Variants in KIAA0232 observed in about 807,000 individuals in gnomAD.
The protein encoded by KIAA0232 is uncharacterized protein KIAA0232.
KIAA0232 carries 27 observed loss-of-function variants against 122.0 expected under a neutral mutation model. That is an observed-to-expected ratio of 0.22 (90% CI 0.16 to 0.31). The LOEUF (loss-of-function observed/expected upper bound fraction) is 0.31. Among genes scored for constraint, KIAA0232 ranks in the 10% least tolerant of loss-of-function variants. The pLI, the probability that KIAA0232 is intolerant of heterozygous loss-of-function variation, is 1.00. For synonymous variants in KIAA0232, 613 were observed against 587.6 expected, an observed-to-expected ratio of 1.04 and a Z score of -0.63; for missense variants, 1,551 against 1,634.2, an observed-to-expected ratio of 0.95 and a Z score of 0.88.
intron 3 of KIAA0232, among the ~76,000 whole-genome samples, chr4:6,828,449 G>A (rs1375417287): frequency 6.6e-6 from 1 of 152,128 alleles, no homozygotes; most frequent in Admixed American, 6.6e-5. Context: ...AGTACAGGGA[G>A]CTCTCATGTT....
At chr4:6,835,095 G>C (rs191741215) in intron 3 of KIAA0232, among the ~76,000 whole-genome samples, 10 of 152,296 alleles carry the variant, frequency 6.6e-5, no homozygotes, top group Admixed American at 2.0e-4. Flanking sequence ...TAGCTTTACT[G>C]ACATGTCTGT....
chr4:6,784,733 A>G (rs1167787298), intron 1 of KIAA0232, among the ~76,000 whole-genome samples: 1 of 152,224 alleles, frequency 6.6e-6, no homozygotes, highest in Non-Finnish European at 1.5e-5. Flanking sequence ...CCGTTACATC[A>G]GTGAAATGCC....
At chr4:6,796,109 A>T (rs1717123406) in intron 1 of KIAA0232, among the ~76,000 whole-genome samples, 1 of 152,158 alleles carries the variant, frequency 6.6e-6, no homozygotes, top group Admixed American at 6.5e-5. Flanking sequence ...ATTTGATTAG[A>T]ACTTGAGTAA....
At chr4:6,837,379 C>T (rs1719368085) in intron 3 of KIAA0232, among the ~76,000 whole-genome samples, 1 of 151,596 alleles carries the variant, frequency 6.6e-6, no homozygotes, top group African/African-American at 2.4e-5. Flanking sequence ...AGAGGCTCCT[C>T]ACTTCCTAGA....
chr4:6,799,092 G>A lies in KIAA0232; in HGVS notation c.-353-5431G>A, dbSNP rs531650877. On this transcript the variant is annotated intron_variant, in intron 1 of 9. Coordinates refer to ENST00000307659, the MANE Select transcript of KIAA0232 (RefSeq NM_014743.3). ...TCTGGAGATTCTGAGAGAGAGCTTG[G>A]TCCATGCCCTACTCTTAGCGTCTGG... Among the ~76,000 whole-genome samples, 74 of 152,074 alleles carry A rather than the reference G, an allele frequency of 4.9e-4. 1 individual carries two copies. In the Middle Eastern group the frequency reaches 0.01, roughly 21 times the overall value.
At chr4:6,823,681 C>G (rs1718525206) in intron 2 of KIAA0232, among the ~76,000 whole-genome samples, 1 of 150,040 alleles carries the variant, frequency 6.7e-6, no homozygotes. Context: ...TGTTTTTCAG[C>G]ATTACAGAAA....
Position 6,881,010 on chromosome 4 carries a change from T to C in KIAA0232, c.*44T>C. The C allele has an allele frequency of 7.4e-7, 1 of 1,352,164 alleles. No homozygotes were observed. Among genetic ancestry groups the C allele is most frequent in the Non-Finnish European group, 9.7e-7 (1 of 1,034,096 alleles). 83.8% of individuals were successfully genotyped at this position (1,352,164 alleles called of 1,614,324 possible). A position where few individuals can be genotyped will look rare whatever the true frequency, so the allele number is the denominator to read the frequency against. ...ATTATTGTTTAAAAATGATATGTGATGGAAAATTACTCTTCAGTGAGACCT... is the reference window on the plus strand; with the variant it reads ...ATTATTGTTTAAAAATGATATGTGACGGAAAATTACTCTTCAGTGAGACCT... On this transcript the variant is annotated 3_prime_UTR_variant, in exon 10 of 10. Coordinates refer to ENST00000307659, the MANE Select transcript of KIAA0232 (RefSeq NM_014743.3).
In KIAA0232 at chr4:6,860,887, ACT is replaced by A. The variant is rs749980526; in HGVS notation, c.519-11_519-10del. ...TGCATACTCGTGTTTTGAAGTCTTT[ACT>A]CTGTTTTTCAGGTACTATGAAGCAT... On this transcript the variant is annotated splice_polypyrimidine_tract_variant and intron_variant, in intron 6 of 9. Coordinates refer to ENST00000307659, the MANE Select transcript of KIAA0232 (RefSeq NM_014743.3). 1.2e-6 allele frequency: 2 copies of A among 1,604,462 alleles called. No homozygotes were observed. The highest frequency in any genetic ancestry group is 2.2e-5 in the East Asian group (1 of 44,774).
rs541406038 is a variant in KIAA0232 at position 6,818,867 on chromosome 4, AC to A, written c.-269-5317del. ...GTAACCAAAACAGCATGGTACTGGTACAAAAACAGATATGTAGACCAATGGA... is the reference window on the plus strand; with the variant it reads ...GTAACCAAAACAGCATGGTACTGGTAAAAAACAGATATGTAGACCAATGGA... On this transcript the variant is annotated intron_variant, in intron 2 of 9. Coordinates refer to ENST00000307659, the MANE Select transcript of KIAA0232 (RefSeq NM_014743.3). Among the ~76,000 whole-genome samples, 51 of 152,336 alleles carry A rather than the reference AC, an allele frequency of 3.3e-4. 2 individuals carry two copies. The South Asian group carries it at 1.0e-2, about 30-fold the overall frequency.
At chr4:6,810,483 A>T (rs1717827713) in intron 2 of KIAA0232, among the ~76,000 whole-genome samples, 1 of 152,216 alleles carries the variant, frequency 6.6e-6, no homozygotes, top group Non-Finnish European at 1.5e-5. Context: ...ATACTAGAAT[A>T]AAACCTAGGG....
At chr4:6,867,581 C>CT (rs773295244) in intron 7 of KIAA0232, among the ~76,000 whole-genome samples, 18 of 152,312 alleles carry the variant, frequency 1.2e-4, no homozygotes, top group Non-Finnish European at 2.1e-4. Flanking sequence ...AAGCAAAAGG[C>CT]TTACTTGCTG....
chr4:6,874,476 A>C (rs1219922510), intron 8 of KIAA0232, among the ~76,000 whole-genome samples: 1 of 151,970 alleles, frequency 6.6e-6, no homozygotes, highest in East Asian at 1.9e-4. Flanking sequence ...GGCCTTGTAG[A>C]CTCTGTGCAC....
chr4:6,872,794 C>A (rs981760568), intron 8 of KIAA0232, among the ~76,000 whole-genome samples: 25 of 152,248 alleles, frequency 1.6e-4, no homozygotes, highest in Non-Finnish European at 3.4e-4. Flanking sequence ...GCCACGATGC[C>A]CTGCACACGC....
intron 4 of KIAA0232, among the ~76,000 whole-genome samples, chr4:6,856,084 G>C (rs1227533795): frequency 6.6e-6 from 1 of 151,748 alleles, no homozygotes; most frequent in Non-Finnish European, 1.5e-5. Flanking sequence ...ACAATTAACT[G>C]TTTTCATTGT....
At chr4:6,857,424 C>T (rs895436055) in intron 5 of KIAA0232, among the ~76,000 whole-genome samples, 194 bp downstream of exon 5, 5 of 152,224 alleles carry the variant, frequency 3.3e-5, no homozygotes, top group Non-Finnish European at 5.9e-5. Context: ...CCAGCAGTCA[C>T]TCATAGAGAT....
Position 6,863,703 on chromosome 4 carries a change from C to T in KIAA0232, c.3321C>T (p.His1107=), listed in dbSNP as rs1721016545. Residue 1107 remains histidine, a synonymous_variant, in exon 7 of 10, where the codon CAC becomes CAT. Coordinates refer to ENST00000307659, the MANE Select transcript of KIAA0232 (RefSeq NM_014743.3). The part of the protein sequence containing the change: ...YRAIRISPRT[H]FRPISASELS... ...CTATTCGGATCTCTCCTCGGACTCA[C>T]TTTCGCCCAATTTCTGCATCCGAAC... The T allele has an allele frequency of 6.2e-7, 1 of 1,614,246 alleles. No individual in the cohort carries two copies.
chr4:6,809,753 A>C (rs1050051980), intron 2 of KIAA0232, among the ~76,000 whole-genome samples: 2 of 152,188 alleles, frequency 1.3e-5, no homozygotes, highest in Non-Finnish European at 2.9e-5. Flanking sequence ...CAAAATCGGC[A>C]TACAAAAATC....
At chr4:6,858,564 T>A in intron 6 of KIAA0232, 58 bp downstream of exon 6, 1 of 1,077,652 alleles carries the variant, frequency 9.3e-7, no homozygotes, top group African/African-American at 1.6e-5. Context: ...GATGAATAAC[T>A]GCTACATGGT....
chr4:6,789,688 CA>C (rs1218983166), intron 1 of KIAA0232, among the ~76,000 whole-genome samples: 5 of 152,168 alleles, frequency 3.3e-5, no homozygotes, highest in Non-Finnish European at 7.3e-5. Flanking sequence ...TGAAGACAGG[CA>C]AACCTGTCTG....
Sources: gnomAD v4.1 joint callset for allele counts (sites outside exome capture counted in the v4.1 genomes callset) on GRCh38, gnomAD v4.1.1 for gene constraint, MANE v1.5 for transcripts, NCBI Gene and HGNC (gene_info 2026-07-23, HGNC 2026-07-21) for gene names.